The following RPH3AL variants were observed in gnomAD, a reference collection of about 807,000 sequenced individuals.
The protein encoded by RPH3AL is rab effector Noc2.
In RPH3AL, 38 loss-of-function variants were observed where a neutral mutation model predicts 43.1. The observed-to-expected ratio is 0.88, with a 90% CI of 0.68 to 1.15. The LOEUF is 1.15. Among genes scored for constraint, RPH3AL ranks in the 50% most tolerant of loss-of-function variants. The pLI, the probability that RPH3AL is intolerant of heterozygous loss-of-function variation, is 0.00. For synonymous variants in RPH3AL, 189 were observed against 176.3 expected, an observed-to-expected ratio of 1.07 and a Z score of -0.57; for missense variants, 462 against 423.2, an observed-to-expected ratio of 1.09 and a Z score of -0.81.
intron 5 of RPH3AL, among the ~76,000 whole-genome samples, chr17:294,124 G>A (rs561676044): frequency 5.3e-5 from 8 of 152,312 alleles, no homozygotes; most frequent in African/African-American, 1.7e-4. Flanking sequence ...GGGTTCCTGA[G>A]TTCATTCAGC....
At chr17:307,815 GA>G (rs2043539823) in intron 5 of RPH3AL, among the ~76,000 whole-genome samples, 1 of 152,180 alleles carries the variant, frequency 6.6e-6, no homozygotes, top group Non-Finnish European at 1.5e-5. Flanking sequence ...TCTTTCTTTG[GA>G]AGAAGAAAAG....
At chr17:325,425 C>T (rs993191432) in intron 3 of RPH3AL, among the ~76,000 whole-genome samples, 6 of 152,204 alleles carry the variant, frequency 3.9e-5, no homozygotes, top group African/African-American at 1.4e-4. Context: ...ACATTTTGCA[C>T]TCACAACACA....
intron 7 of RPH3AL, 84 bp downstream of exon 7, chr17:247,027 C>G: frequency 6.8e-7 from 1 of 1,463,966 alleles, no homozygotes; most frequent in Admixed American, 1.7e-5. Context: ...GTGCGGGGGA[C>G]TGGCCTTGTG....
intron 2 of RPH3AL, chr17:331,444 C>A: frequency 1.6e-6 from 1 of 635,522 alleles, no homozygotes; most frequent in Non-Finnish European, 2.3e-6. Context: ...GACATGAGGA[C>A]CCAGGAGAAT....
Position 215,006 on chromosome 17 carries a change from A to G in RPH3AL, c.876+648T>C, listed in dbSNP as rs937638615. The stretch of plus-strand genomic sequence containing the variant: ...GAGTGGGGAAGGAGAGAGGTGCGGC[A>G]GGCGTTCCTGTGGGTGGCTGCCGGG... On this transcript the variant is annotated intron_variant, in intron 9 of 9. Transcript: ENST00000331302. The surrounding 1 kb of genome is among the most constrained non-coding windows in gnomAD (Gnocchi z 4.1). Among the ~76,000 whole-genome samples the G allele has an allele frequency of 2.0e-5, 3 of 152,142 alleles. No individual in the cohort carries two copies. The highest frequency in any genetic ancestry group is 2.0e-4 in the Admixed American group (3 of 15,282).
chr17:293,442 C>A (rs1459407446), intron 5 of RPH3AL, among the ~76,000 whole-genome samples: 1 of 148,310 alleles, frequency 6.7e-6, no homozygotes, highest in Non-Finnish European at 1.5e-5. Context: ...GGTATTCAGA[C>A]GAGATGAAGC....
rs921945698 is a variant in RPH3AL, at chr17:273,069, G to T, written c.438+8699C>A. 1.8e-3 allele frequency among the ~76,000 whole-genome samples: 249 copies of T among 135,616 alleles called. 1 individual carries two copies. The highest frequency in any genetic ancestry group is 5.7e-3 in the African/African-American group (203 of 35,420). 89.0% of individuals were successfully genotyped at this position (135,616 alleles called of 152,430 possible). ...GTCAGGGAGAGACCCCAGCGAGGGCGACGTCAGGGAGAGACCCCAGCGAGG... is the reference window on the plus strand; with the variant it reads ...GTCAGGGAGAGACCCCAGCGAGGGCTACGTCAGGGAGAGACCCCAGCGAGG... On this transcript the variant is annotated intron_variant, in intron 6 of 9. Transcript: ENST00000331302.
rs1420609045 is a variant in RPH3AL, at chr17:281,775, T to C, written c.431A>G (p.Gln144Arg). 2 of 1,613,764 alleles carry C rather than the reference T, an allele frequency of 1.2e-6. No homozygotes were observed. Among genetic ancestry groups the C allele is most frequent in the East Asian group, 4.5e-5 (2 of 44,864 alleles). Residue 144 changes from glutamine to arginine, a missense_variant, in exon 6 of 10, where the codon CAA becomes CGA. Physicochemically the swap from Gln to Arg is conservative, Grantham distance 43 (BLOSUM62 1). Coordinates refer to ENST00000331302, the MANE Select transcript of RPH3AL (RefSeq NM_006987.4). ...TCACCCTGGACGCCCTACCTCTCTT[T>C]GCTCACTGCAGATCTTACACAGCCA... Reference protein sequence around the residue: ...PLWLCKICSEQREVWKRSGAW... With the variant: ...PLWLCKICSERREVWKRSGAW...
intron 5 of RPH3AL, among the ~76,000 whole-genome samples, chr17:293,634 C>T (rs368678890): frequency 4.6e-5 from 7 of 152,220 alleles, no homozygotes; most frequent in African/African-American, 1.7e-4. Flanking sequence ...GGCTGAGGGC[C>T]GTGCAGCACC....
chr17:282,223 C>T (rs527393538), intron 5 of RPH3AL, among the ~76,000 whole-genome samples: 10 of 152,324 alleles, frequency 6.6e-5, no homozygotes, highest in Middle Eastern at 3.4e-3. Flanking sequence ...TTCACACAGC[C>T]GACGGCGGTG....
intron 8 of RPH3AL, among the ~76,000 whole-genome samples, chr17:216,733 T>C (rs2040812524): frequency 6.6e-6 from 1 of 152,180 alleles, no homozygotes; most frequent in African/African-American, 2.4e-5. Context: ...GGGACAGTTT[T>C]CATCTCTTGC....
intron 6 of RPH3AL, among the ~76,000 whole-genome samples, chr17:269,514 T>G (rs572301119): frequency 6.6e-6 from 1 of 152,282 alleles, no homozygotes; most frequent in South Asian, 2.1e-4. Context: ...AATAAGTGAT[T>G]CAAGAATAGA....
chr17:246,910 GA>G lies in RPH3AL; in HGVS notation c.613+200del, dbSNP rs2041778714. On this transcript the variant is annotated intron_variant, in intron 7 of 9. Coordinates refer to ENST00000331302, the MANE Select transcript of RPH3AL (RefSeq NM_006987.4). This position sits in a 1 kb window ranked among gnomAD's most constrained non-coding sequence, Gnocchi z 4.8. ...GGCCCTCCCGCCGCACTCCTGCACAGAGCGAACAGTCACCTGCTGGAGGTCC... is the reference window on the plus strand; with the variant it reads ...GGCCCTCCCGCCGCACTCCTGCACAGGCGAACAGTCACCTGCTGGAGGTCC... 6.6e-6 allele frequency among the ~76,000 whole-genome samples: 1 copy of G among 152,250 alleles called. No homozygotes were observed. Among genetic ancestry groups the G allele is most frequent in the Non-Finnish European group, 1.5e-5 (1 of 68,040 alleles).
chr17:329,530 T>G (rs1048192517), intron 2 of RPH3AL, among the ~76,000 whole-genome samples: 8 of 152,360 alleles, frequency 5.3e-5, no homozygotes, highest in African/African-American at 1.7e-4. Flanking sequence ...ACATGGGCTA[T>G]GACCATTGCT....
chr17:275,492 G>A (rs191775828), intron 6 of RPH3AL, among the ~76,000 whole-genome samples: 16 of 152,140 alleles, frequency 1.1e-4, no homozygotes, highest in African/African-American at 3.9e-4. Flanking sequence ...TCTGCAGTGG[G>A]GTAACGACTC....
chr17:315,155 G>A (rs933456328), intron 5 of RPH3AL, among the ~76,000 whole-genome samples: 3 of 139,766 alleles, frequency 2.1e-5, no homozygotes, highest in Non-Finnish European at 3.2e-5. Flanking sequence ...TTGACCTGTA[G>A]TCCCTGTGCC....
At chr17:249,469 C>T (rs1297345436) in intron 6 of RPH3AL, among the ~76,000 whole-genome samples, 4 of 152,068 alleles carry the variant, frequency 2.6e-5, no homozygotes, top group African/African-American at 7.2e-5. Flanking sequence ...GCAGCCTCTC[C>T]ACAGAGGAGA....
chr17:294,050 A>G lies in RPH3AL; in HGVS notation c.352-12196T>C, dbSNP rs1211938821. Among the ~76,000 whole-genome samples the G allele has an allele frequency of 5.3e-5, 8 of 152,042 alleles. No individual in the cohort carries two copies. The South Asian group carries it at 1.2e-3, about 24-fold the overall frequency. ...CTCAAAAAAATAAAATAAAAATAAA[A>G]CCCAGCAAATCTAATAATGTTCAAT... On this transcript the variant is annotated intron_variant, in intron 5 of 9. Transcript: ENST00000331302.
chr17:321,576 CAGAGAT>C, intron 3 of RPH3AL, 161 bp from the exon 4 acceptor site: 8 of 693,718 alleles, frequency 1.2e-5, no homozygotes, highest in Non-Finnish European at 1.7e-5. Flanking sequence ...CAGGTGGCAA[CAGAGAT>C]GGCCCAGGTG....
Sources: gnomAD v4.1 joint callset for allele counts (sites outside exome capture counted in the v4.1 genomes callset) on GRCh38, gnomAD v4.1.1 for gene constraint, Gnocchi (gnomAD v3.1) non-coding constraint, MANE v1.5 for transcripts, NCBI Gene and HGNC (gene_info 2026-07-23, HGNC 2026-07-21) for gene names.